Variants in JMJD1C observed in about 807,000 individuals in gnomAD.
The protein encoded by JMJD1C is jumonji domain-containing protein 1C.
JMJD1C carries 31 observed loss-of-function variants against 245.3 expected under a neutral mutation model. That is an observed-to-expected ratio of 0.13 (90% confidence interval 0.09 to 0.17). The LOEUF is 0.17. Ranked by LOEUF, JMJD1C falls within the 10% of genes least tolerant of loss-of-function variation. JMJD1C has a pLI of 1.00. For synonymous variants in JMJD1C, 1,057 were observed against 1,017.4 expected (o/e 1.04, Z -0.74); for missense variants, 2,691 against 3,000.2 (o/e 0.90, Z 2.41).
chr10:63,456,587 CTAAG>C (rs1419206046), intron 1 of JMJD1C, among the ~76,000 whole-genome samples: 1 of 152,052 alleles, frequency 6.6e-6, no homozygotes, highest in East Asian at 1.9e-4. Flanking sequence ...GTTTCAGCTC[CTAAG>C]TGTCAGTCTT....
chr10:63,188,825 T>G (rs1844434028), intron 18 of JMJD1C, among the ~76,000 whole-genome samples: 1 of 152,216 alleles, frequency 6.6e-6, no homozygotes, highest in Non-Finnish European at 1.5e-5. Context: ...ATTTTAATAG[T>G]AGACATGGAT....
intron 2 of JMJD1C, among the ~76,000 whole-genome samples, chr10:63,355,768 T>C (rs182390898): frequency 5.3e-4 from 81 of 152,040 alleles, no homozygotes; most frequent in African/African-American, 1.9e-3. Context: ...TAATGTGTGC[T>C]CATGTGCATT....
intron 1 of JMJD1C, among the ~76,000 whole-genome samples, chr10:63,515,075 CTG>C (rs1008982114): frequency 5.3e-5 from 8 of 152,168 alleles, no homozygotes; most frequent in African/African-American, 1.9e-4. Context: ...TGCCTCTAGA[CTG>C]TGACCTTCCA....
At chr10:63,269,492 G>A (rs1856026698) in intron 2 of JMJD1C, among the ~76,000 whole-genome samples, 2 of 152,308 alleles carry the variant, frequency 1.3e-5, no homozygotes, top group Middle Eastern at 3.4e-3. Context: ...ACCAAGGTGA[G>A]AAAGTGCAGA....
intron 2 of JMJD1C, among the ~76,000 whole-genome samples, chr10:63,379,686 G>A (rs1003653076): frequency 3.9e-5 from 6 of 152,214 alleles, no homozygotes; most frequent in South Asian, 2.1e-4. Context: ...GTTGTTCCAC[G>A]TGGCATACAG....
At chr10:63,358,231 C>T (rs1405349143) in intron 2 of JMJD1C, among the ~76,000 whole-genome samples, 1 of 151,894 alleles carries the variant, frequency 6.6e-6, no homozygotes, top group Non-Finnish European at 1.5e-5. Flanking sequence ...AGATTATAAC[C>T]AAATAAAACT....
chr10:63,465,510 G>A lies in JMJD1C; in HGVS notation c.153C>T (p.Arg51=), dbSNP rs1316128761. 1.2e-6 allele frequency: 2 copies of A among 1,604,568 alleles called. No homozygotes were observed. The highest frequency in any genetic ancestry group is 1.7e-5 in the Admixed American group (1 of 59,542). Reference sequence around the variant, plus strand: ...ACTCTCTTACCGCCAGGTCCGGATTGCGGCTGTCCCTGTGTGACACGGCTC... The same window carrying A: ...ACTCTCTTACCGCCAGGTCCGGATTACGGCTGTCCCTGTGTGACACGGCTC... ...VIRAVSHRDS[R]NPDLAVYVEF... Residue 51 remains arginine (R), a synonymous_variant, in exon 1 of 26, where the codon CGC becomes CGT. Coordinates refer to ENST00000399262, the MANE Select transcript of JMJD1C (RefSeq NM_032776.3).
chr10:63,271,570 A>G (rs1162173007), intron 2 of JMJD1C, among the ~76,000 whole-genome samples: 3 of 151,980 alleles, frequency 2.0e-5, no homozygotes, highest in Non-Finnish European at 4.4e-5. Context: ...AATTTTTTTG[A>G]GATAGAGTTT....
intron 2 of JMJD1C, among the ~76,000 whole-genome samples, chr10:63,310,381 T>C (rs973325292): frequency 1.3e-5 from 2 of 152,194 alleles, no homozygotes; most frequent in Non-Finnish European, 2.9e-5. Flanking sequence ...TAGCAAGACT[T>C]ATAAAGTTAC....
intron 2 of JMJD1C, among the ~76,000 whole-genome samples, chr10:63,287,383 C>T (rs1446923870): frequency 1.3e-5 from 2 of 152,174 alleles, no homozygotes; most frequent in Non-Finnish European, 2.9e-5. Flanking sequence ...AAGTACCAGT[C>T]TCAATACATT....
chr10:63,484,236 G>GGATGGATGGATGGATGGATGGATAGATA (rs1416097314), intron 1 of JMJD1C, among the ~76,000 whole-genome samples: 27 of 92,742 alleles, frequency 2.9e-4, no homozygotes, highest in African/African-American at 7.8e-4. Context: ...ATGGATGGAT[G>GGATGGATGGATGGATGGATGGATAGATA]GATAGATAGA....
intron 24 of JMJD1C, among the ~76,000 whole-genome samples, chr10:63,170,150 A>G (rs550919790): frequency 6.6e-6 from 1 of 152,214 alleles, no homozygotes; most frequent in African/African-American, 2.4e-5. Context: ...TATATAATTT[A>G]TTGATATTCT....
At chr10:63,177,575 G>C in intron 23 of JMJD1C, 142 bp downstream of exon 23, 1 of 793,074 alleles carries the variant, frequency 1.3e-6, no homozygotes. Context: ...ACAGGGTTTT[G>C]ACTTTCAACA....
chr10:63,442,119 A>C (rs1371570577), intron 1 of JMJD1C, among the ~76,000 whole-genome samples: 1 of 152,218 alleles, frequency 6.6e-6, no homozygotes, highest in Non-Finnish European at 1.5e-5. Flanking sequence ...CAGACAAGCA[A>C]CCAAAAATAC....
Position 63,185,545 on chromosome 10 carries a change from A to C in JMJD1C, c.6830+18T>G. 3 of 1,462,412 alleles carry C rather than the reference A, an allele frequency of 2.1e-6. No individual in the cohort carries two copies. The highest frequency in any genetic ancestry group is 2.9e-6 in the Non-Finnish European group (3 of 1,040,352). 90.6% of individuals were successfully genotyped at this position (1,462,412 alleles called of 1,614,324 possible). A position where few individuals can be genotyped will look rare whatever the true frequency, so the allele number is the denominator to read the frequency against. On this transcript the variant is annotated intron_variant, in intron 20 of 25. Transcript: ENST00000399262. ...CTCGATCTCAAAAAGTCAAGAGTCA[A>C]AATGAAAAGTTTCAAACCTTGCTGG... is the stretch of plus-strand genomic sequence containing the variant.
chr10:63,509,519 G>A (rs1437039382), intron 1 of JMJD1C, among the ~76,000 whole-genome samples: 4 of 152,152 alleles, frequency 2.6e-5, no homozygotes, highest in Non-Finnish European at 5.9e-5. Flanking sequence ...AGACTCACTA[G>A]TGAACCCATC....
At chr10:63,481,552 C>T (rs187848021) in intron 1 of JMJD1C, among the ~76,000 whole-genome samples, 28 of 152,064 alleles carry the variant, frequency 1.8e-4, no homozygotes, top group Admixed American at 7.2e-4. Context: ...TAACAAAAGA[C>T]ATTTCTGAAT....
chr10:63,472,198 T>C (rs1034229777), intron 1 of JMJD1C, among the ~76,000 whole-genome samples: 10 of 151,618 alleles, frequency 6.6e-5, no homozygotes, highest in African/African-American at 2.4e-4. Flanking sequence ...TCAACTATTA[T>C]ATATTATATA....
intron 3 of JMJD1C, among the ~76,000 whole-genome samples, chr10:63,221,610 T>A (rs935531648): frequency 6.6e-6 from 1 of 152,348 alleles, no homozygotes; most frequent in Admixed American, 6.5e-5. Context: ...ATCTCTTTTC[T>A]CTGCACCCCC....
Sources: gnomAD v4.1 joint callset for allele counts (sites outside exome capture counted in the v4.1 genomes callset) on GRCh38, gnomAD v4.1.1 for gene constraint, MANE v1.5 for transcripts, NCBI Gene and HGNC (gene_info 2026-07-23, HGNC 2026-07-21) for gene names.